The following GAS7 variants were observed in gnomAD, a reference collection of about 807,000 sequenced individuals.
GAS7 encodes the protein growth arrest-specific protein 7.
GAS7 carries 28 observed loss-of-function variants against 71.1 expected under a neutral mutation model. That is an observed-to-expected ratio of 0.39 (90% CI 0.29 to 0.54). The LOEUF (loss-of-function observed/expected upper bound fraction) is 0.54, where lower values mean the gene tolerates loss of function less well. Among genes scored for constraint, GAS7 ranks in the 20% least tolerant of loss-of-function variants. The probability of loss-of-function intolerance (pLI) is 0.62; values close to 1 mark genes in which losing one functional copy is unlikely to be tolerated. For missense variants in GAS7, 436 were observed against 627.8 expected (o/e 0.69, Z 3.27); for synonymous variants, 258 against 245.8 (o/e 1.05, Z -0.46).
At chr17:10,065,727 G>A (rs1011010926) in intron 1 of GAS7, among the ~76,000 whole-genome samples, 6 of 152,200 alleles carry the variant, frequency 3.9e-5, no homozygotes, top group African/African-American at 1.2e-4. Context: ...GGATTAGGAC[G>A]TAGACAATCT....
rs74252940 is a variant in GAS7, at chr17:9,989,170, G to A, written c.305-7286C>T. 4.8e-4 allele frequency among the ~76,000 whole-genome samples: 73 copies of A among 152,216 alleles called. No individual in the cohort carries two copies. The East Asian group carries it at 0.013, about 27-fold the overall frequency. On this transcript the variant is annotated intron_variant, in intron 2 of 13. Transcript: ENST00000432992. The stretch of plus-strand genomic sequence containing the variant: ...TTTAATGGAAGGAACTGAGGCCTCA[G>A]TGAGAAGTGGCATCTCTGGAACTCA...
chr17:9,920,203 G>A (rs1415899624), intron 11 of GAS7, among the ~76,000 whole-genome samples: 1 of 151,956 alleles, frequency 6.6e-6, no homozygotes, highest in Non-Finnish European at 1.5e-5. Flanking sequence ...GTGTGTGTGT[G>A]CATGAACACA....
At chr17:10,091,954 T>C (rs1177943771) in intron 1 of GAS7, among the ~76,000 whole-genome samples, 1 of 136,666 alleles carries the variant, frequency 7.3e-6, no homozygotes, top group Non-Finnish European at 1.6e-5. Context: ...TGTCATAAAA[T>C]TTTGTCTCAA....
At chr17:10,004,965 G>C (rs145750074) in intron 2 of GAS7, among the ~76,000 whole-genome samples, 2 of 152,058 alleles carry the variant, frequency 1.3e-5, no homozygotes, top group South Asian at 4.1e-4. Flanking sequence ...AGCTGAGATC[G>C]CGCCATTGCA....
intron 10 of GAS7, among the ~76,000 whole-genome samples, chr17:9,925,859 G>A (rs1474545185): frequency 2.0e-5 from 3 of 151,982 alleles, no homozygotes; most frequent in Non-Finnish European, 2.9e-5. Context: ...TTTTTTTCCC[G>A]ATGGAGCCTG....
chr17:9,927,336 A>AC (rs1380243228), intron 9 of GAS7, among the ~76,000 whole-genome samples: 1 of 75,664 alleles, frequency 1.3e-5, no homozygotes, highest in Admixed American at 1.2e-4. Context: ...CACACACACA[A>AC]ATTAGCTGGG....
intron 4 of GAS7, among the ~76,000 whole-genome samples, chr17:9,966,962 G>A (rs1325562592): frequency 6.6e-6 from 1 of 152,160 alleles, no homozygotes; most frequent in South Asian, 2.1e-4. Context: ...TCTACCTCCT[G>A]ATCCTGGGAC....
intron 1 of GAS7, among the ~76,000 whole-genome samples, chr17:10,097,099 G>A (rs963359499): frequency 1.3e-5 from 2 of 152,184 alleles, no homozygotes; most frequent in African/African-American, 4.8e-5. Context: ...GCCGATCTCT[G>A]GCGCTGGGCT....
At chr17:10,063,704 C>T (rs950280975) in intron 1 of GAS7, among the ~76,000 whole-genome samples, 3 of 152,196 alleles carry the variant, frequency 2.0e-5, no homozygotes, top group African/African-American at 7.2e-5. Flanking sequence ...CCCTGCACAT[C>T]TGGCTCTGGA....
At chr17:10,095,606 G>A (rs916088275) in intron 1 of GAS7, among the ~76,000 whole-genome samples, 4 of 152,076 alleles carry the variant, frequency 2.6e-5, no homozygotes, top group Admixed American at 1.3e-4. Context: ...CGGATCACAA[G>A]GTCAGGAGAT....
At chr17:9,954,018 C>G (rs1357571434) in intron 5 of GAS7, among the ~76,000 whole-genome samples, 1 of 152,040 alleles carries the variant, frequency 6.6e-6, no homozygotes, top group Non-Finnish European at 1.5e-5. Context: ...GCTGAGGTTA[C>G]TGGAAGGACT....
intron 1 of GAS7, among the ~76,000 whole-genome samples, chr17:10,022,212 C>T (rs2072297496): frequency 6.6e-6 from 1 of 152,086 alleles, no homozygotes; most frequent in Non-Finnish European, 1.5e-5. Flanking sequence ...TGTGATCGCA[C>T]CACTGCACTC....
intron 1 of GAS7, among the ~76,000 whole-genome samples, chr17:10,047,202 C>G (rs542815961): frequency 3.5e-4 from 53 of 152,298 alleles, no homozygotes; most frequent in Non-Finnish European, 6.9e-4. Context: ...GGTACAGATG[C>G]TACAGGCCAA....
chr17:10,012,824 A>G (rs978133731), intron 2 of GAS7, among the ~76,000 whole-genome samples: 1 of 151,902 alleles, frequency 6.6e-6, no homozygotes, highest in Non-Finnish European at 1.5e-5. Flanking sequence ...AAACCCAGGC[A>G]GGGCGCGGTG....
At chr17:10,182,773 T>C (rs1467419703) in intron 1 of GAS7, among the ~76,000 whole-genome samples, 1 of 152,156 alleles carries the variant, frequency 6.6e-6, no homozygotes, top group East Asian at 1.9e-4. Flanking sequence ...AGGATTAGAT[T>C]CTGAGCTCCA....
intron 1 of GAS7, among the ~76,000 whole-genome samples, chr17:10,180,525 C>G (rs2074406847): frequency 6.6e-6 from 1 of 152,120 alleles, no homozygotes; most frequent in Non-Finnish European, 1.5e-5. Flanking sequence ...ACCCAATAAT[C>G]AAATCAATCC....
chr17:10,020,623 C>A (rs1440068243), intron 1 of GAS7, among the ~76,000 whole-genome samples: 3 of 151,436 alleles, frequency 2.0e-5, no homozygotes, highest in East Asian at 1.9e-4. Flanking sequence ...AAAAAAAAAA[C>A]AACCATGGCC....
Position 10,198,451 on chromosome 17 carries a change from A to G in GAS7, c.-61T>C. The stretch of plus-strand genomic sequence containing the variant: ...TCCCGCCGAGCCCCACGGGCTGGGC[A>G]GCGGCTCCGCGGGGTCCCAGGCGCC... On this transcript the variant is annotated 5_prime_UTR_variant, in exon 1 of 14. Coordinates refer to ENST00000432992, the MANE Select transcript of GAS7 (RefSeq NM_201433.2). 1 of 1,290,316 alleles carries G rather than the reference A, an allele frequency of 7.8e-7. No homozygotes were observed. The highest frequency in any genetic ancestry group is 1.7e-5 in the South Asian group (1 of 59,702). The allele number at this position is 1,290,316 out of a possible 1,614,324, so 79.9% of individuals were successfully genotyped here.
intron 4 of GAS7, among the ~76,000 whole-genome samples, chr17:9,961,868 T>A (rs567481951): frequency 6.6e-6 from 1 of 152,220 alleles, no homozygotes; most frequent in Non-Finnish European, 1.5e-5. Context: ...TCTTCCGCCA[T>A]CTCTCCACTT....
Sources: gnomAD v4.1 joint callset for allele counts (sites outside exome capture counted in the v4.1 genomes callset) on GRCh38, gnomAD v4.1.1 for gene constraint, MANE v1.5 for transcripts, NCBI Gene and HGNC (gene_info 2026-07-23, HGNC 2026-07-21) for gene names.